The following OS9 variants were observed in gnomAD, a reference collection of about 807,000 sequenced individuals.
The protein encoded by OS9 is OS9 endoplasmic reticulum lectin.
OS9 carries 58 observed loss-of-function variants against 84.7 expected under a neutral mutation model. The observed-to-expected ratio is 0.68, with a 90% CI of 0.55 to 0.85. OS9 has a LOEUF of 0.85. OS9 is among the 40% of genes least tolerant of loss of function. OS9 has a pLI of 0.00. For synonymous variants in OS9, 278 were observed against 320.8 expected (o/e 0.87, Z 1.43); for missense variants, 760 against 850.9 (o/e 0.89, Z 1.33).
At chr12:57,719,938 G>A (rs1176655305) in intron 12 of OS9, 161 bp from the exon 13 acceptor site, 3 of 655,588 alleles carry the variant, frequency 4.6e-6, no homozygotes, top group Non-Finnish European at 7.9e-6. Context: ...GCTGAACTGG[G>A]AGGGGCGGGG....
rs1349591331 is a variant in OS9 at position 57,718,248 on chromosome 12, A to G, written c.1237A>G (p.Met413Val). 6.2e-7 allele frequency: 1 copy of G among 1,614,168 alleles called. No homozygotes were observed. The highest frequency in any genetic ancestry group is 1.1e-5 in the South Asian group (1 of 91,080). The change falls in exon 11 of 15, where the codon ATG becomes GTG. Residue 413 changes from methionine to valine, a missense_variant. Met to Val is a conservative substitution (Grantham distance 21). Transcript: ENST00000315970. Reference protein sequence around the residue: ...ERGDPERQREMEEEEDEDEDE... With the variant: ...ERGDPERQREVEEEEDEDEDE... ...GGGTGATCCAGAACGGCAGAGAGAG[A>G]TGGAAGAAGAGGAGGATGAGGATGA...
In OS9 at chr12:57,720,179, G is replaced by T. The variant is rs770733178; in HGVS notation, c.1681G>T (p.Glu561Ter). The stretch of plus-strand genomic sequence containing the variant: ...CCCTAATCAGGATCTGACTGTCCTC[G>T]AGATGAAACGGGAAAACCCACAGCT... The part of the protein sequence containing the change: ...GGPNQDLTVL[E>*]MKRENPQLKQ... The change falls in exon 13 of 15, where the codon GAG becomes TAG. Residue 561 changes from glutamate to a stop codon, truncating the protein, a stop_gained. Coordinates refer to ENST00000315970, the MANE Select transcript of OS9 (RefSeq NM_006812.4). LOFTEE classifies it high-confidence loss of function. 7 of 1,614,070 alleles carry T rather than the reference G, an allele frequency of 4.3e-6. No homozygotes were observed. Among genetic ancestry groups the T allele is most frequent in the Non-Finnish European group, 5.9e-6 (7 of 1,180,046 alleles).
At chr12:57,709,302 C>T (rs1474649888) in intron 5 of OS9, among the ~76,000 whole-genome samples, 1 of 152,206 alleles carries the variant, frequency 6.6e-6, no homozygotes, top group Non-Finnish European at 1.5e-5. Flanking sequence ...ACTTAAAGCT[C>T]TACATTTCAC....
chr12:57,709,145 C>T (rs1179442771), intron 5 of OS9, among the ~76,000 whole-genome samples: 1 of 152,082 alleles, frequency 6.6e-6, no homozygotes, highest in African/African-American at 2.4e-5. Flanking sequence ...GCTCGTTTTC[C>T]TAATGGCTTG....
At chr12:57,695,098 G>A (rs1953786615) in intron 2 of OS9, 172 bp downstream of exon 2, 2 of 618,148 alleles carry the variant, frequency 3.2e-6, no homozygotes, top group Non-Finnish European at 5.7e-6. Context: ...TGCAACCACT[G>A]ATGACACTTT....
intron 5 of OS9, among the ~76,000 whole-genome samples, chr12:57,700,861 A>C (rs565321207): frequency 5.6e-4 from 85 of 152,292 alleles, no homozygotes; most frequent in African/African-American, 1.7e-3. Flanking sequence ...GACCAACTCA[A>C]TTCTTATAAA....
intron 6 of OS9, 22 bp from the exon 7 acceptor site, chr12:57,716,070 C>A (rs1954481473): frequency 6.2e-7 from 1 of 1,604,908 alleles, no homozygotes; most frequent in Non-Finnish European, 8.5e-7. Flanking sequence ...TCCTGGCCTG[C>A]TTGCATGCTG....
chr12:57,718,040 C>T, intron 10 of OS9, 82 bp downstream of exon 10: 6 of 1,511,282 alleles, frequency 4.0e-6, no homozygotes, highest in Middle Eastern at 1.7e-4. Flanking sequence ...TGGGACTCAA[C>T]TCCTGGGTCC....
chr12:57,720,075 T>C (rs1386374751), intron 12 of OS9, 24 bp from the exon 13 acceptor site: 2 of 1,610,226 alleles, frequency 1.2e-6, no homozygotes, highest in South Asian at 2.2e-5. Context: ...GCTTTGTGTT[T>C]CCCTGTGTGT....
rs1222756666 is a variant in OS9 at position 57,694,795 on chromosome 12, C to T, written c.208C>T (p.Arg70Cys). ...VVIVSSKYKQ[R>C]YECRLPAGAI... ...GATTGTCTCCTCTAAGTACAAACAG[C>T]GCTATGAGTGTCGCCTGCCAGCTGG... Residue 70 changes from arginine to cysteine, a missense_variant, in exon 2 of 15, where the codon CGC becomes TGC. Physicochemically the swap from Arg to Cys is radical, Grantham distance 180. Coordinates refer to ENST00000315970, the MANE Select transcript of OS9 (RefSeq NM_006812.4). 1.9e-6 allele frequency: 3 copies of T among 1,614,030 alleles called. No homozygotes were observed. Among genetic ancestry groups the T allele is most frequent in the South Asian group, 1.1e-5 (1 of 91,072 alleles).
chr12:57,718,526 C>A, intron 11 of OS9, 105 bp downstream of exon 11: 1 of 1,238,832 alleles, frequency 8.1e-7, no homozygotes, highest in Non-Finnish European at 1.1e-6. Flanking sequence ...AGGGCAAGGA[C>A]GGGGCACTTG....
intron 5 of OS9, among the ~76,000 whole-genome samples, chr12:57,709,736 A>G (rs1350055388): frequency 2.0e-5 from 3 of 151,946 alleles, no homozygotes; most frequent in Non-Finnish European, 4.4e-5. Flanking sequence ...TTTTAAGGCT[A>G]TGTTTAATTT....
intron 5 of OS9, among the ~76,000 whole-genome samples, chr12:57,703,171 T>C (rs758137567): frequency 2.6e-5 from 4 of 152,348 alleles, no homozygotes; most frequent in Admixed American, 1.3e-4. Context: ...TTCTCCTGCA[T>C]CAGCAGTGTC....
At chr12:57,714,838 C>A (rs1370452829) in intron 5 of OS9, among the ~76,000 whole-genome samples, 1 of 152,036 alleles carries the variant, frequency 6.6e-6, no homozygotes, top group African/African-American at 2.4e-5. Flanking sequence ...ATCAAGCCAT[C>A]CTCCTGCCTT....
rs765826209 is a variant in OS9, at chr12:57,720,101, G to A, written c.1603G>A (p.Glu535Lys). Reference protein sequence around the residue: ...KPPPSPQPTEEDPEHRVRVRV... With the variant: ...KPPPSPQPTEKDPEHRVRVRV... ...CCCTGTGTGTCTCCCCCTCTAAGAG[G>A]AGGATCCTGAGCACAGAGTCCGGGT... Residue 535 changes from glutamate (E) to lysine (K), a missense_variant and splice_region_variant, in exon 13 of 15, where the codon GAG (glutamate) becomes AAG (lysine). Glu to Lys is a moderately conservative substitution (Grantham distance 56). Coordinates refer to ENST00000315970, the MANE Select transcript of OS9 (RefSeq NM_006812.4). 6.2e-7 allele frequency: 1 copy of A among 1,613,464 alleles called. No homozygotes were observed. The highest frequency in any genetic ancestry group is 1.7e-5 in the Admixed American group (1 of 59,962).
chr12:57,704,346 G>A (rs1372267727), intron 5 of OS9, among the ~76,000 whole-genome samples: 1 of 152,000 alleles, frequency 6.6e-6, no homozygotes, highest in Non-Finnish European at 1.5e-5. Context: ...AGACCAGCCT[G>A]GCCAACATGG....
At chr12:57,711,404 T>A (rs1448055824) in intron 5 of OS9, among the ~76,000 whole-genome samples, 1 of 134,122 alleles carries the variant, frequency 7.5e-6, no homozygotes, top group Non-Finnish European at 1.5e-5. Context: ...TGGAGTGCAG[T>A]GGCGCGATCT....
Position 57,716,106 on chromosome 12 carries a change from G to A in OS9, c.805G>A (p.Gly269Arg), listed in dbSNP as rs1291504147. The change falls in exon 7 of 15, where the codon GGA (glycine) becomes AGA (arginine). Residue 269 changes from glycine (G) to arginine (R), a missense_variant. By Grantham distance (125) the Gly-to-Arg change is moderately radical. Transcript: ENST00000315970. ...TTTCTCAGTAGACTCAAAGCAGTATGGAGATAAAATCATAGAGGAGCTGCA... is the reference window on the plus strand; with the variant it reads ...TTTCTCAGTAGACTCAAAGCAGTATAGAGATAAAATCATAGAGGAGCTGCA... ...VQRQADSKQY[G>R]DKIIEELQDL... 5 of 1,613,618 alleles carry A rather than the reference G, an allele frequency of 3.1e-6. No individual in the cohort carries two copies. The highest frequency in any genetic ancestry group is 1.1e-5 in the South Asian group (1 of 91,070).
rs969631300 is a variant in OS9 at position 57,717,884 on chromosome 12, G to C, written c.1060G>C (p.Val354Leu). ...TTTCATCTCAGATTTTCAGAACAAC[G>C]TGCAGGTCAAAGTCATTCGAAGCCC... is the stretch of plus-strand genomic sequence containing the variant. Reference protein sequence around the residue: ...SGAPNDFQNNVQVKVIRSPAD... With the variant: ...SGAPNDFQNNLQVKVIRSPAD... Residue 354 changes from valine (V) to leucine (L), a missense_variant, in exon 10 of 15, where the codon GTG becomes CTG. Coordinates refer to ENST00000315970, the MANE Select transcript of OS9 (RefSeq NM_006812.4). 3.6e-5 allele frequency: 57 copies of C among 1,602,434 alleles called. 1 individual carries two copies. The highest frequency in any genetic ancestry group is 4.9e-5 in the Non-Finnish European group (57 of 1,174,678).
Sources: allele counts gnomAD v4.1 joint callset (sites outside exome capture counted in the v4.1 genomes callset), GRCh38; gene constraint gnomAD v4.1.1; transcripts MANE v1.5; gene names NCBI Gene and HGNC (gene_info 2026-07-23, HGNC 2026-07-21).